The following TCF4 variants were observed in gnomAD, a reference collection of about 807,000 sequenced individuals.
The protein encoded by TCF4 is SL3-3 enhancer factor 2.
A neutral mutation model predicts 82.1 loss-of-function variants in TCF4; 3 were observed. That is an observed-to-expected ratio of 0.04 (90% CI 0.02 to 0.09). The LOEUF (loss-of-function observed/expected upper bound fraction) is 0.09, where lower values mean the gene tolerates loss of function less well. Among genes scored for constraint, TCF4 ranks in the 10% least tolerant of loss-of-function variants. The pLI is 1.00. For missense variants in TCF4, 518 were observed against 852.7 expected (o/e 0.61, Z 4.89); for synonymous variants, 276 against 309.6 (o/e 0.89, Z 1.14).
chr18:55,317,801 C>G (rs947885839), intron 8 of TCF4, among the ~76,000 whole-genome samples: 2 of 152,016 alleles, frequency 1.3e-5, no homozygotes, highest in Non-Finnish European at 2.9e-5. Context: ...AAGCAGGACT[C>G]GTAACATTAT....
chr18:55,510,248 C>G (rs898847594), intron 3 of TCF4, among the ~76,000 whole-genome samples: 10 of 152,128 alleles, frequency 6.6e-5, no homozygotes, highest in African/African-American at 2.2e-4. Flanking sequence ...TGAGTCACAG[C>G]AGAGGATCCA....
chr18:55,457,904 T>C (rs2095797260), intron 5 of TCF4, among the ~76,000 whole-genome samples: 1 of 152,338 alleles, frequency 6.6e-6, no homozygotes, highest in East Asian at 1.9e-4. Flanking sequence ...TAAACAAATA[T>C]ACTAGCAATG....
At chr18:55,317,537 GA>G (rs35846695) in intron 8 of TCF4, among the ~76,000 whole-genome samples, 19 of 151,382 alleles carry the variant, frequency 1.3e-4, no homozygotes, top group African/African-American at 2.9e-4. Context: ...GGTTTGGGGG[GA>G]AAAAAAAGAG....
At chr18:55,228,408 T>C in intron 18 of TCF4, 47 bp from the exon 19 acceptor site, 1 of 1,609,540 alleles carries the variant, frequency 6.2e-7, no homozygotes, top group Non-Finnish European at 8.5e-7. Flanking sequence ...CTGAGGCTTC[T>C]GGCAGAGGGC....
chr18:55,283,912 T>C (rs182110799), intron 8 of TCF4, among the ~76,000 whole-genome samples: 75 of 152,346 alleles, frequency 4.9e-4, no homozygotes, highest in African/African-American at 1.8e-3. Flanking sequence ...TGTTAAGCTG[T>C]CTTTCCAGGT....
chr18:55,236,017 A>T (rs1202096078), intron 15 of TCF4, among the ~76,000 whole-genome samples: 1 of 152,156 alleles, frequency 6.6e-6, no homozygotes, highest in Non-Finnish European at 1.5e-5. Flanking sequence ...TTTACTGAAA[A>T]TATATTTAAG....
At chr18:55,489,545 T>A (rs1337426252) in intron 3 of TCF4, among the ~76,000 whole-genome samples, 1 of 151,820 alleles carries the variant, frequency 6.6e-6, no homozygotes, top group African/African-American at 2.4e-5. Context: ...GTGGTATAAA[T>A]GATGAAAGTA....
chr18:55,232,524 G>A lies in TCF4; in HGVS notation c.1634C>T (p.Thr545Ile), dbSNP rs796053420. 1 of 1,614,164 alleles carries A rather than the reference G, an allele frequency of 6.2e-7. No individual in the cohort carries two copies. Among genetic ancestry groups the A allele is most frequent in the Admixed American group, 1.7e-5 (1 of 60,022 alleles). The stretch of plus-strand genomic sequence containing the variant: ...ATACTGTTACCTAGATCTTGACCTA[G>A]TAATTGATTTGATATCCTTCTTGTC... ...DDDKKDIKSI[T>I]RSRSSNNDDE... Residue 545 changes from threonine (T) to isoleucine (I), a missense_variant, in exon 17 of 20, where the codon ACT becomes ATT. Around this residue, in one of 7 missense-constraint regions of TCF4, gnomAD observed 144 missense variants for 190.2 expected, o/e 0.76. Coordinates refer to ENST00000354452, the MANE Select transcript of TCF4 (RefSeq NM_001083962.2).
intron 8 of TCF4, among the ~76,000 whole-genome samples, chr18:55,344,646 A>T (rs760258111): frequency 4.6e-5 from 7 of 152,144 alleles, no homozygotes; most frequent in Non-Finnish European, 8.8e-5. Context: ...AGTCCTGATA[A>T]ATCTTAGCAT....
rs533228631 is a variant in TCF4 at position 55,407,805 on chromosome 18, G to A, written c.305-4287C>T. ...TCAAATTGAATATTTTTATATTCTTGTATTATCAGCCATTTGACTTCCAAT... is the reference window on the plus strand; with the variant it reads ...TCAAATTGAATATTTTTATATTCTTATATTATCAGCCATTTGACTTCCAAT... On this transcript the variant is annotated intron_variant, in intron 5 of 19. Coordinates refer to ENST00000354452, the MANE Select transcript of TCF4 (RefSeq NM_001083962.2). Among the ~76,000 whole-genome samples, 10 of 152,166 alleles carry A rather than the reference G, an allele frequency of 6.6e-5. No individual in the cohort carries two copies. In the South Asian group the frequency reaches 2.1e-3, roughly 32 times the overall value.
chr18:55,280,777 A>G (rs138522003), intron 8 of TCF4, among the ~76,000 whole-genome samples: 32 of 151,304 alleles, frequency 2.1e-4, no homozygotes, highest in African/African-American at 7.8e-4. Context: ...AATAACTCTC[A>G]TTTTTTTTTA....
intron 8 of TCF4, among the ~76,000 whole-genome samples, chr18:55,340,379 G>T (rs58384986): frequency 0.033 from 5,005 of 151,916 alleles, 274 homozygotes; most frequent in African/African-American, 0.11. Context: ...AGATGGGTTT[G>T]CAGAGCCTGG....
At chr18:55,621,680 ATATAT>A (rs1329532973) in intron 2 of TCF4, among the ~76,000 whole-genome samples, 13 of 9,754 alleles carry the variant, frequency 1.3e-3, no homozygotes, top group East Asian at 0.013. Flanking sequence ...AATATACATT[ATATAT>A]TATATTATAT....
Position 55,635,869 on chromosome 18 carries a change from G to A in TCF4, c.29C>T (p.Pro10Leu), listed in dbSNP as rs767361180. Residue 10 changes from proline (P) to leucine (L), a missense_variant, in exon 1 of 21, where the codon CCA becomes CTA. Pro to Leu is a moderately conservative substitution (Grantham distance 98). Transcript: ENST00000398339. ...GAAGGGAAAGAGGAGAGGCACCTGT[G>A]GTATTTTCTCCAGCCTTTTAGAAAA... 1.9e-5 allele frequency: 30 copies of A among 1,567,424 alleles called. No individual in the cohort carries two copies. The highest frequency in any genetic ancestry group is 2.5e-5 in the Non-Finnish European group (29 of 1,155,528).
intron 3 of TCF4, among the ~76,000 whole-genome samples, chr18:55,513,910 C>G (rs1448372513): frequency 2.0e-5 from 3 of 152,154 alleles, no homozygotes; most frequent in African/African-American, 7.2e-5. Context: ...TACTGGTAGT[C>G]TCTGTTAAGG....
chr18:55,406,184 G>C (rs1297081300), intron 5 of TCF4, among the ~76,000 whole-genome samples: 2 of 142,204 alleles, frequency 1.4e-5, no homozygotes, highest in Non-Finnish European at 3.0e-5. Context: ...TTCATCTGTA[G>C]CATCCACTTT....
At chr18:55,612,262 G>T (rs796758744) in intron 2 of TCF4, among the ~76,000 whole-genome samples, 11 of 152,256 alleles carry the variant, frequency 7.2e-5, no homozygotes, top group African/African-American at 2.6e-4. Context: ...GGAATGATGG[G>T]CACTCTTGAA....
chr18:55,479,915 C>T (rs561421360), intron 3 of TCF4, among the ~76,000 whole-genome samples: 5 of 152,288 alleles, frequency 3.3e-5, no homozygotes, highest in African/African-American at 1.2e-4. Flanking sequence ...TGGCACCAGT[C>T]AGAATTCTGA....
intron 2 of TCF4, among the ~76,000 whole-genome samples, chr18:55,625,436 A>T (rs1397948833): frequency 3.3e-5 from 5 of 152,022 alleles, no homozygotes; most frequent in Non-Finnish European, 7.4e-5. Flanking sequence ...ACGGGGTTTC[A>T]CCATATTGGC....
Sources: allele counts gnomAD v4.1 joint callset (sites outside exome capture counted in the v4.1 genomes callset), GRCh38; gene constraint gnomAD v4.1.1; regional missense constraint gnomAD v4.1.1; transcripts MANE v1.5; gene names NCBI Gene and HGNC (gene_info 2026-07-23, HGNC 2026-07-21).